The following CERS6 variants were observed in gnomAD, a reference collection of about 807,000 sequenced individuals.
CERS6 encodes the protein LAG1 homolog, ceramide synthase 6.
Under a neutral mutation model 56.8 loss-of-function variants are expected in CERS6, and 26 were observed. The observed-to-expected ratio is 0.46, with a 90% CI of 0.34 to 0.63. The LOEUF (loss-of-function observed/expected upper bound fraction) is 0.63, where lower values mean the gene tolerates loss of function less well. CERS6 is among the 30% of genes least tolerant of loss of function. The pLI is 0.01. For synonymous variants in CERS6, 164 were observed against 173.3 expected (o/e 0.95, Z 0.42); for missense variants, 415 against 467.5 (o/e 0.89, Z 1.04).
intron 8 of CERS6, among the ~76,000 whole-genome samples, chr2:168,739,734 A>T (rs1256371084): frequency 6.6e-6 from 1 of 151,966 alleles, no homozygotes; most frequent in South Asian, 2.1e-4. Flanking sequence ...CTTCTGTGGT[A>T]TGAAGAAGAA....
chr2:168,614,976 C>G (rs529439738), intron 3 of CERS6, among the ~76,000 whole-genome samples: 3 of 152,112 alleles, frequency 2.0e-5, no homozygotes, highest in African/African-American at 4.8e-5. Flanking sequence ...CATTTCACCC[C>G]CCCTGCCACC....
intron 8 of CERS6, among the ~76,000 whole-genome samples, chr2:168,726,805 C>G (rs999900994): frequency 1.1e-4 from 16 of 152,124 alleles, no homozygotes; most frequent in Non-Finnish European, 2.4e-4. Context: ...GTCAGAAGTT[C>G]TTATTATATT....
intron 1 of CERS6, among the ~76,000 whole-genome samples, chr2:168,544,492 C>T (rs150849923): frequency 2.4e-3 from 364 of 152,100 alleles, no homozygotes; most frequent in African/African-American, 8.2e-3. Flanking sequence ...CTCTTGGGGG[C>T]CCCACACACA....
chr2:168,631,612 A>T (rs1264189501), intron 4 of CERS6, among the ~76,000 whole-genome samples: 2 of 118,196 alleles, frequency 1.7e-5, no homozygotes, highest in African/African-American at 3.4e-5. Context: ...TATATAATAT[A>T]TTTAATATTT....
At chr2:168,559,734 C>CTATATATATAT (rs1695752127) in intron 2 of CERS6, among the ~76,000 whole-genome samples, 1 of 85,510 alleles carries the variant, frequency 1.2e-5, no homozygotes. Context: ...AGAAAGGTAT[C>CTATATATATAT]ATATATATAT....
At chr2:168,628,670 G>A (rs1280045173) in intron 3 of CERS6, among the ~76,000 whole-genome samples, 6 of 152,192 alleles carry the variant, frequency 3.9e-5, no homozygotes, top group African/African-American at 1.2e-4. Context: ...GTGGTAAAGG[G>A]CAAAGTTTCC....
At chr2:168,559,326 T>C (rs1695742128) in intron 2 of CERS6, among the ~76,000 whole-genome samples, 1 of 152,198 alleles carries the variant, frequency 6.6e-6, no homozygotes, top group Non-Finnish European at 1.5e-5. Flanking sequence ...TAGTCAGTTC[T>C]GACTGCTGTA....
chr2:168,653,559 T>G (rs1240441822), intron 4 of CERS6, among the ~76,000 whole-genome samples: 1 of 152,264 alleles, frequency 6.6e-6, no homozygotes, highest in African/African-American at 2.4e-5. Context: ...TTTAATTATC[T>G]TAGATATGTG....
intron 4 of CERS6, among the ~76,000 whole-genome samples, chr2:168,642,476 C>G (rs6433082): frequency 6.6e-6 from 1 of 151,982 alleles, no homozygotes; most frequent in East Asian, 1.9e-4. Flanking sequence ...CATGTGTGAT[C>G]TGGTTAGTGA....
At chr2:168,464,811 C>G (rs1458487115) in intron 1 of CERS6, among the ~76,000 whole-genome samples, 1 of 151,974 alleles carries the variant, frequency 6.6e-6, no homozygotes, top group African/African-American at 2.4e-5. Flanking sequence ...TTAGACTAAT[C>G]ACTAGGGAAC....
At chr2:168,697,553 C>CTTTTTTTTTTTTT (rs113250500) in intron 6 of CERS6, among the ~76,000 whole-genome samples, 1 of 141,240 alleles carries the variant, frequency 7.1e-6, no homozygotes. Flanking sequence ...AACATTCTTC[C>CTTTTTTTTTTTTT]TTTTTTTTTT....
intron 4 of CERS6, among the ~76,000 whole-genome samples, chr2:168,645,764 T>C (rs1189381075): frequency 6.6e-6 from 1 of 152,168 alleles, no homozygotes; most frequent in Non-Finnish European, 1.5e-5. Context: ...TCACTTAGCT[T>C]CCACCTATAA....
chr2:168,726,822 C>T (rs114084491), intron 8 of CERS6, among the ~76,000 whole-genome samples: 1 of 152,274 alleles, frequency 6.6e-6, no homozygotes, highest in African/African-American at 2.4e-5. Context: ...TATTTTATAA[C>T]CTCCTACTAG....
intron 4 of CERS6, among the ~76,000 whole-genome samples, chr2:168,667,301 C>G (rs1277408800): frequency 6.6e-6 from 1 of 152,200 alleles, no homozygotes; most frequent in African/African-American, 2.4e-5. Context: ...AGTAGCACAG[C>G]ATCTCAGTTC....
At chr2:168,684,987 C>T (rs1686310634) in intron 4 of CERS6, among the ~76,000 whole-genome samples, 1 of 152,096 alleles carries the variant, frequency 6.6e-6, no homozygotes, top group South Asian at 2.1e-4. Context: ...TGAGTGTTTT[C>T]TCAGAGTAGT....
intron 8 of CERS6, among the ~76,000 whole-genome samples, chr2:168,741,593 G>A (rs951976995): frequency 2.0e-4 from 31 of 152,160 alleles, no homozygotes; most frequent in Admixed American, 1.2e-3. Flanking sequence ...AAAGCAGCCC[G>A]TGGGCCACAG....
chr2:168,585,039 C>T (rs1413968878), intron 3 of CERS6, among the ~76,000 whole-genome samples: 1 of 152,260 alleles, frequency 6.6e-6, no homozygotes, highest in Non-Finnish European at 1.5e-5. Flanking sequence ...GAAATGCCAA[C>T]TCCATATTTG....
chr2:168,709,232 G>A (rs953124041), intron 6 of CERS6, among the ~76,000 whole-genome samples: 1 of 152,116 alleles, frequency 6.6e-6, no homozygotes, highest in Admixed American at 6.5e-5. Context: ...AGGAATTTCT[G>A]ATGTGAAAGC....
chr2:168,632,174 A>G (rs1371498642), intron 4 of CERS6, among the ~76,000 whole-genome samples: 1 of 151,988 alleles, frequency 6.6e-6, no homozygotes, highest in Non-Finnish European at 1.5e-5. Flanking sequence ...TCGTACACAT[A>G]TTAACAATAG....
Sources: allele counts gnomAD v4.1 joint callset (sites outside exome capture counted in the v4.1 genomes callset), GRCh38; gene constraint gnomAD v4.1.1; transcripts MANE v1.5; gene names NCBI Gene and HGNC (gene_info 2026-07-23, HGNC 2026-07-21).